The following AFG2B variants were observed in gnomAD, a reference collection of about 807,000 sequenced individuals.
The protein encoded by AFG2B is AAA ATPase AFG2B.
chr15:45,405,943 G>A, the AFG2B span, among the ~76,000 whole-genome samples: 2 of 151,912 alleles, frequency 1.3e-5, no homozygotes, highest in Admixed American at 6.6e-5. Context: ...CTCTCTTCAT[G>A]TGTATTTCCT....
chr15:45,415,669 G>T, the AFG2B span: 72 of 1,614,010 alleles, frequency 4.5e-5, no homozygotes, highest in Non-Finnish European at 1.1e-5. Flanking sequence ...CGCTCAGCCA[G>T]CAAGACAGGA....
At chr15:45,410,243 A>T in the AFG2B span, 1 of 1,001,944 alleles carries the variant, frequency 1.0e-6, no homozygotes, top group Non-Finnish European at 1.5e-6. Flanking sequence ...TATGTATATA[A>T]ATTGTTTTTA....
At chr15:45,402,538 C>G in the AFG2B span, 1 of 1,596,594 alleles carries the variant, frequency 6.3e-7, no homozygotes, top group South Asian at 1.1e-5. Context: ...GGCCGCCCTC[C>G]ACGCCCTGGG....
the AFG2B span, among the ~76,000 whole-genome samples, chr15:45,420,483 A>T: frequency 6.6e-6 from 1 of 152,214 alleles, no homozygotes; most frequent in African/African-American, 2.4e-5. Flanking sequence ...GGTTCATAAA[A>T]TACATATTAA....
At chr15:45,402,534 C>T in the AFG2B span, 1 of 1,597,160 alleles carries the variant, frequency 6.3e-7, no homozygotes, top group Non-Finnish European at 8.5e-7. Flanking sequence ...GCCCGGCCGC[C>T]CTCCACGCCC....
chr15:45,402,542 C>T, the AFG2B span: 1 of 1,594,360 alleles, frequency 6.3e-7, no homozygotes, highest in African/African-American at 1.3e-5. Flanking sequence ...GCCCTCCACG[C>T]CCTGGGCGCG....
chr15:45,414,607 G>A, the AFG2B span: 2 of 1,614,150 alleles, frequency 1.2e-6, no homozygotes, highest in Non-Finnish European at 1.7e-6. Context: ...TTGGGAATTT[G>A]TTAGAATGGG....
At chr15:45,410,355 T>G in the AFG2B span, 4 of 1,602,162 alleles carry the variant, frequency 2.5e-6, no homozygotes, top group Admixed American at 5.1e-5. Context: ...TTTGCTTTTT[T>G]GGGTGTATTT....
At chr15:45,402,882 C>A in the AFG2B span, 2 of 1,598,388 alleles carry the variant, frequency 1.3e-6, no homozygotes, top group South Asian at 2.2e-5. Flanking sequence ...ACGTGGTGGT[C>A]GCTCCGCCAG....
At chr15:45,409,299 C>T in the AFG2B span, among the ~76,000 whole-genome samples, 40 of 151,414 alleles carry the variant, frequency 2.6e-4, no homozygotes, top group East Asian at 7.0e-3. Context: ...ATCATTTGAA[C>T]CCAGGAGGCG....
the AFG2B span, chr15:45,418,483 A>G: frequency 1.2e-5 from 17 of 1,458,288 alleles, no homozygotes; most frequent in Non-Finnish European, 1.5e-5. Context: ...CTCAAGCTAA[A>G]AATATTTTAA....
At chr15:45,419,636 A>G in the AFG2B span, among the ~76,000 whole-genome samples, 24 of 152,324 alleles carry the variant, frequency 1.6e-4, no homozygotes, top group Admixed American at 9.2e-4. Flanking sequence ...TATAATCACT[A>G]CTTATGTCAA....
At chr15:45,416,425 G>A in the AFG2B span, among the ~76,000 whole-genome samples, 51 of 152,300 alleles carry the variant, frequency 3.3e-4, no homozygotes, top group Middle Eastern at 0.01. Context: ...CTCCAGATGA[G>A]TTTGGTATCC....
At chr15:45,421,267 G>A in the AFG2B span, 15 of 1,213,966 alleles carry the variant, frequency 1.2e-5, no homozygotes, top group East Asian at 1.9e-4. Context: ...CTTGCCTGTC[G>A]TTTGCAACTT....
the AFG2B span, among the ~76,000 whole-genome samples, chr15:45,412,745 G>A: frequency 6.6e-6 from 1 of 152,132 alleles, no homozygotes; most frequent in Non-Finnish European, 1.5e-5. Context: ...AATGGATGCA[G>A]TACAGGGACT....
At chr15:45,402,945 C>T in the AFG2B span, 3 of 1,597,912 alleles carry the variant, frequency 1.9e-6, no homozygotes, top group African/African-American at 2.7e-5. Flanking sequence ...CGCCCAGTCC[C>T]GATCCCGCTG....
At chr15:45,413,545 G>A in the AFG2B span, among the ~76,000 whole-genome samples, 1 of 152,158 alleles carries the variant, frequency 6.6e-6, no homozygotes, top group Non-Finnish European at 1.5e-5. Context: ...TCTGTTTTAT[G>A]TTTCAAATAT....
chr15:45,409,165 C>T, the AFG2B span, among the ~76,000 whole-genome samples: 1 of 152,022 alleles, frequency 6.6e-6, no homozygotes, highest in African/African-American at 2.4e-5. Context: ...CAGTTGAGGT[C>T]AGGAGTTCAA....
chr15:45,410,675 T>C, the AFG2B span: 1 of 793,772 alleles, frequency 1.3e-6, no homozygotes, highest in Non-Finnish European at 1.9e-6. Flanking sequence ...TGCTTTTCAG[T>C]CCTTATTTAA....
Sources: gnomAD v4.1 joint callset for allele counts (sites outside exome capture counted in the v4.1 genomes callset) on GRCh38, gnomAD v4.1.1 for gene constraint, MANE v1.5 for transcripts, NCBI Gene and HGNC (gene_info 2026-07-23, HGNC 2026-07-21) for gene names.